Variants in COL25A1 observed in about 807,000 individuals in gnomAD.
The protein encoded by COL25A1 is collagen type XXV alpha 1 chain, also known as collagen alpha-1(XXV) chain.
Under a neutral mutation model 128.4 loss-of-function variants are expected in COL25A1, and 103 were observed. The observed-to-expected ratio is 0.80, with a 90% confidence interval of 0.68 to 0.94. The LOEUF is 0.94. COL25A1 is among the 40% of genes least tolerant of loss of function. The pLI is 0.00. For synonymous variants in COL25A1, 279 were observed against 277.2 expected (o/e 1.01, Z -0.06); for missense variants, 745 against 840.0 (o/e 0.89, Z 1.40).
intron 5 of COL25A1, among the ~76,000 whole-genome samples, chr4:109,019,236 T>C (rs1172414378): frequency 1.3e-5 from 2 of 151,654 alleles, no homozygotes; most frequent in Non-Finnish European, 2.9e-5. Flanking sequence ...AGTTCTTCAG[T>C]TTGGAGACTG....
intron 3 of COL25A1, among the ~76,000 whole-genome samples, chr4:109,198,734 T>C (rs1388442968): frequency 1.3e-5 from 2 of 152,218 alleles, no homozygotes; most frequent in Non-Finnish European, 2.9e-5. Context: ...GCTGCTTCTG[T>C]TATGCCCACA....
intron 37 of COL25A1, among the ~76,000 whole-genome samples, chr4:108,816,249 T>C (rs904920112): frequency 1.3e-5 from 2 of 152,116 alleles, no homozygotes; most frequent in African/African-American, 4.8e-5. Flanking sequence ...GTGAAACTGA[T>C]TAAGAAAGAG....
chr4:108,923,246 A>G (rs1745674388), intron 11 of COL25A1, among the ~76,000 whole-genome samples: 1 of 152,234 alleles, frequency 6.6e-6, no homozygotes, highest in Non-Finnish European at 1.5e-5. Context: ...GTTGGTTAAG[A>G]TGATTACATT....
At chr4:109,248,484 G>A (rs909416388) in intron 3 of COL25A1, among the ~76,000 whole-genome samples, 3 of 152,106 alleles carry the variant, frequency 2.0e-5, no homozygotes, top group Non-Finnish European at 4.4e-5. Flanking sequence ...GAGCGACATT[G>A]TACTCAGCTC....
chr4:109,181,115 A>G (rs1379701716), intron 3 of COL25A1, among the ~76,000 whole-genome samples: 1 of 152,088 alleles, frequency 6.6e-6, no homozygotes, highest in Non-Finnish European at 1.5e-5. Flanking sequence ...CTAAAAACAC[A>G]TTTTTAAAGC....
At chr4:108,910,097 T>A (rs1477104151) in intron 13 of COL25A1, among the ~76,000 whole-genome samples, 17 of 152,228 alleles carry the variant, frequency 1.1e-4, no homozygotes, top group Admixed American at 1.1e-3. Context: ...TAAGTTTCCA[T>A]GACTTGTAAC....
intron 23 of COL25A1, among the ~76,000 whole-genome samples, chr4:108,860,654 T>C (rs989515768): frequency 6.6e-6 from 1 of 152,096 alleles, no homozygotes; most frequent in Non-Finnish European, 1.5e-5. Flanking sequence ...GAAAATTCCA[T>C]TAGCTGGATG....
At chr4:108,877,734 T>A (rs1408960057) in intron 19 of COL25A1, among the ~76,000 whole-genome samples, 3 of 151,834 alleles carry the variant, frequency 2.0e-5, no homozygotes, top group African/African-American at 7.3e-5. Flanking sequence ...AAAACTGGTC[T>A]TCTATTTTAC....
At chr4:108,863,628 G>A (rs1043403495) in intron 20 of COL25A1, among the ~76,000 whole-genome samples, 1 of 152,196 alleles carries the variant, frequency 6.6e-6, no homozygotes, top group Non-Finnish European at 1.5e-5. Context: ...AGATAATAAA[G>A]CACTGCTTCT....
intron 19 of COL25A1, among the ~76,000 whole-genome samples, chr4:108,874,557 G>T (rs1396917133): frequency 6.6e-6 from 1 of 151,908 alleles, no homozygotes; most frequent in African/African-American, 2.4e-5. Context: ...AATAACATGG[G>T]AACATAAAGC....
chr4:108,819,150 A>C, intron 36 of COL25A1, 102 bp downstream of exon 36: 1 of 815,868 alleles, frequency 1.2e-6, no homozygotes, highest in Non-Finnish European at 1.9e-6. Context: ...TGTGTTTATC[A>C]TGTAAAGCTT....
At chr4:109,275,956 C>G (rs1201159389) in intron 3 of COL25A1, among the ~76,000 whole-genome samples, 2 of 152,166 alleles carry the variant, frequency 1.3e-5, no homozygotes, top group East Asian at 3.9e-4. Flanking sequence ...ATCCACTGGG[C>G]AAACACCTAC....
chr4:108,870,004 G>A (rs541069244), intron 19 of COL25A1, among the ~76,000 whole-genome samples: 1 of 152,276 alleles, frequency 6.6e-6, no homozygotes, highest in African/African-American at 2.4e-5. Context: ...TGTAATCCCA[G>A]TACTTTGGAA....
intron 3 of COL25A1, among the ~76,000 whole-genome samples, chr4:109,108,618 G>A (rs944193589): frequency 1.3e-5 from 2 of 152,068 alleles, no homozygotes; most frequent in African/African-American, 2.4e-5. Context: ...TGTCTTCCAC[G>A]ATGGTTGAAC....
chr4:109,022,156 G>T (rs1190499795), intron 5 of COL25A1: 1 of 453,098 alleles, frequency 2.2e-6, no homozygotes, highest in Non-Finnish European at 4.4e-6. Context: ...GCTCAGGTGG[G>T]CATCACGGAC....
In COL25A1 at chr4:109,302,150, C is replaced by T. The variant is rs1725622792; in HGVS notation, c.-57+19G>A. The T allele has an allele frequency of 2.4e-6, 3 of 1,239,086 alleles. No homozygotes were observed. The highest frequency in any genetic ancestry group is 3.3e-6 in the Non-Finnish European group (3 of 921,184). 76.8% of individuals were successfully genotyped at this position (1,239,086 alleles called of 1,614,324 possible). A position where few individuals can be genotyped will look rare whatever the true frequency, so the allele number is the denominator to read the frequency against. On this transcript the variant is annotated intron_variant, in intron 1 of 37. Transcript: ENST00000399132. Reference sequence around the variant, plus strand: ...TGCACAACTAGTTGGTGGAGTCAAGCCCACGAGCGGATACGGACCCCTGCC... The same window carrying T: ...TGCACAACTAGTTGGTGGAGTCAAGTCCACGAGCGGATACGGACCCCTGCC...
chr4:109,049,987 TAAAC>T (rs1760831819), intron 4 of COL25A1, 144 bp downstream of exon 4: 1 of 544,274 alleles, frequency 1.8e-6, no homozygotes, highest in Non-Finnish European at 3.2e-6. Context: ...AAATAATAAA[TAAAC>T]AAATACAACT....
At chr4:108,898,209 G>A (rs1026905280) in intron 15 of COL25A1, among the ~76,000 whole-genome samples, 22 of 152,096 alleles carry the variant, frequency 1.4e-4, no homozygotes, top group African/African-American at 5.1e-4. Flanking sequence ...GGGTTTAACT[G>A]AGCTGTCCCC....
chr4:109,070,581 C>G (rs1000343067), intron 3 of COL25A1, among the ~76,000 whole-genome samples: 1 of 151,984 alleles, frequency 6.6e-6, no homozygotes, highest in Non-Finnish European at 1.5e-5. Flanking sequence ...TACATGTGCA[C>G]AACGTGCAGG....
Sources: gnomAD v4.1 joint callset for allele counts (sites outside exome capture counted in the v4.1 genomes callset) on GRCh38, gnomAD v4.1.1 for gene constraint, MANE v1.5 for transcripts, NCBI Gene and HGNC (gene_info 2026-07-23, HGNC 2026-07-21) for gene names.